Variants in HERC2 observed in about 807,000 individuals in gnomAD.
HERC2 encodes the protein E3 ubiquitin-protein ligase HERC2.
A neutral mutation model predicts 537.7 loss-of-function variants in HERC2; 102 were observed. That is an observed-to-expected ratio of 0.19 (90% confidence interval 0.16 to 0.22). The LOEUF is 0.22. Among genes scored for constraint, HERC2 ranks in the 10% least tolerant of loss-of-function variants. The pLI, the probability that HERC2 is intolerant of heterozygous loss-of-function variation, is 1.00. For missense variants in HERC2, 4,236 were observed against 6,198.2 expected (o/e 0.68, Z 10.63); for synonymous variants, 2,224 against 2,466.2 (o/e 0.90, Z 2.91).
chr15:28,295,323 G>C lies in HERC2; in HGVS notation c.188-2301C>G, dbSNP rs1018066763. ...TACATGTGTGTGGGGGGGGGGGAGT[G>C]GGGGGGAGGCGGTGGGGGGGTCACT... On this transcript the variant is annotated intron_variant, in intron 3 of 92. Transcript: ENST00000261609. Among the ~76,000 whole-genome samples the C allele has an allele frequency of 5.5e-5, 7 of 126,826 alleles. 1 individual carries two copies. In the South Asian group the frequency reaches 2.0e-3, roughly 36 times the overall value. The allele number at this position is 126,826 out of a possible 152,430, so 83.2% of individuals were successfully genotyped here. A position where few individuals can be genotyped will look rare whatever the true frequency, so the allele number is the denominator to read the frequency against.
At chr15:28,201,434 C>G in intron 48 of HERC2, 22 bp downstream of exon 48, 1 of 1,427,484 alleles carries the variant, frequency 7.0e-7, no homozygotes, top group Non-Finnish European at 9.9e-7. Context: ...GATCGAGGCT[C>G]CAGCTTAAGA....
chr15:28,316,516 C>T (rs572842605), intron 2 of HERC2, among the ~76,000 whole-genome samples: 1 of 152,162 alleles, frequency 6.6e-6, no homozygotes, highest in Admixed American at 6.5e-5. Flanking sequence ...CTCAATTAAC[C>T]TGACAAAATG....
chr15:28,150,267 G>A (rs1313214050), intron 70 of HERC2, among the ~76,000 whole-genome samples: 2 of 151,548 alleles, frequency 1.3e-5, no homozygotes, highest in African/African-American at 4.9e-5. Flanking sequence ...AACACACGCG[G>A]CTTCTAACCG....
intron 83 of HERC2, among the ~76,000 whole-genome samples, chr15:28,125,643 A>T (rs1889394998): frequency 6.6e-6 from 1 of 152,246 alleles, no homozygotes; most frequent in East Asian, 1.9e-4. Context: ...CTTGCATGCG[A>T]AACAGAAAAG....
chr15:28,304,420 T>A (rs1275175973), intron 2 of HERC2, among the ~76,000 whole-genome samples: 25 of 150,978 alleles, frequency 1.7e-4, no homozygotes. Flanking sequence ...CAGGCTGGAA[T>A]ATAGCGGCAC....
chr15:28,199,053 G>T (rs1202233034), intron 48 of HERC2, among the ~76,000 whole-genome samples: 1 of 151,930 alleles, frequency 6.6e-6, no homozygotes, highest in East Asian at 1.9e-4. Flanking sequence ...AGACTGAGTT[G>T]AGAGGATTGC....
chr15:28,111,939 G>A lies in HERC2; in HGVS notation c.14329C>T (p.Leu4777=). 3 of 1,614,154 alleles carry A rather than the reference G, an allele frequency of 1.9e-6. No individual in the cohort carries two copies. Among genetic ancestry groups the A allele is most frequent in the Non-Finnish European group, 2.5e-6 (3 of 1,180,034 alleles). ...ATGGCGTACTTGAGCTTCTCCTCCA[G>A]CACCTGCTTGCAGGAATACCTGGGC... ...KLPRYSCKQV[L]EEKLKYAIHF... Residue 4777 remains leucine (L), a synonymous_variant, in exon 93 of 93, where the codon CTG becomes TTG. Coordinates refer to ENST00000261609, the MANE Select transcript of HERC2 (RefSeq NM_004667.6).
At position 28,233,703 on chromosome 15, in the gene HERC2, G is replaced by A. The variant is rs1488635360; in HGVS notation, c.4312C>T (p.Arg1438Cys). The A allele has an allele frequency of 5.0e-6, 8 of 1,613,848 alleles. No individual in the cohort carries two copies. Among genetic ancestry groups the A allele is most frequent in the Non-Finnish European group, 5.9e-6 (7 of 1,179,784 alleles). ...TTTAAGAGGCAACATAACAACAAGC[G>A]ACCGACCTCTTCCACGGGATGCTCG... is the stretch of plus-strand genomic sequence containing the variant. ...PPEHPVEEVG[R>C]LLLCCLLKHE... The change falls in exon 28 of 93, where the codon CGC (arginine) becomes TGC (cysteine). Residue 1438 changes from arginine to cysteine, a missense_variant. Arg to Cys is a radical substitution (Grantham distance 180, BLOSUM62 -3). Coordinates refer to ENST00000261609, the MANE Select transcript of HERC2 (RefSeq NM_004667.6).
chr15:28,149,109 C>T (rs1251084201), intron 70 of HERC2, among the ~76,000 whole-genome samples: 3 of 151,618 alleles, frequency 2.0e-5, no homozygotes, highest in Non-Finnish European at 4.4e-5. Flanking sequence ...GCCACACGAA[C>T]GTATAATCTA....
intron 48 of HERC2, 89 bp downstream of exon 48, chr15:28,201,367 C>T: frequency 1.2e-6 from 1 of 856,790 alleles, no homozygotes; most frequent in Non-Finnish European, 2.0e-6. Flanking sequence ...GCAGGGGCCT[C>T]TGTCCACTGA....
intron 3 of HERC2, among the ~76,000 whole-genome samples, chr15:28,296,113 A>G (rs2076462530): frequency 6.6e-6 from 1 of 152,152 alleles, no homozygotes; most frequent in Non-Finnish European, 1.5e-5. Flanking sequence ...ATCAGTTGGG[A>G]TCTACATAAA....
At chr15:28,229,000 C>G (rs1901544616) in intron 34 of HERC2, among the ~76,000 whole-genome samples, 195 bp downstream of exon 34, 1 of 152,174 alleles carries the variant, frequency 6.6e-6, no homozygotes, top group Non-Finnish European at 1.5e-5. Context: ...TAGAGTACTT[C>G]AACATTGTGT....
At chr15:28,284,273 T>A (rs1041290674) in intron 4 of HERC2, among the ~76,000 whole-genome samples, 3 of 151,138 alleles carry the variant, frequency 2.0e-5, no homozygotes, top group Non-Finnish European at 4.4e-5. Context: ...ACACTACAGA[T>A]AAAATAGAAT....
At chr15:28,304,688 T>G (rs1193626042) in intron 2 of HERC2, among the ~76,000 whole-genome samples, 1 of 149,972 alleles carries the variant, frequency 6.7e-6, no homozygotes, top group Non-Finnish European at 1.5e-5. Flanking sequence ...CTGACTCCTC[T>G]AGCAAGGGCT....
rs1895063495 is a variant in HERC2 at position 28,174,630 on chromosome 15, A to C, written c.9832-10T>G. The stretch of plus-strand genomic sequence containing the variant: ...CACCCCAAGCATACACCTGTTTACG[A>C]GGAGAAAAAAGCTTATAATTTTTCA... On this transcript the variant is annotated splice_polypyrimidine_tract_variant and intron_variant, in intron 64 of 92. Transcript: ENST00000261609. 1.2e-5 allele frequency: 19 copies of C among 1,520,860 alleles called. No individual in the cohort carries two copies. Among genetic ancestry groups the C allele is most frequent in the Non-Finnish European group, 1.7e-5 (19 of 1,105,304 alleles). 94.2% of individuals were successfully genotyped at this position (1,520,860 alleles called of 1,614,324 possible).
chr15:28,300,782 C>G (rs868067659), intron 2 of HERC2, among the ~76,000 whole-genome samples: 1 of 108,746 alleles, frequency 9.2e-6, no homozygotes, highest in Admixed American at 1.4e-4. Context: ...GAGATTATGT[C>G]ACTGCGCTCC....
intron 65 of HERC2, among the ~76,000 whole-genome samples, chr15:28,171,391 G>A (rs940577369): frequency 7.9e-5 from 12 of 152,138 alleles, no homozygotes; most frequent in African/African-American, 1.7e-4. Flanking sequence ...ACGTTAAGAA[G>A]ATACTGAGTA....
intron 85 of HERC2, among the ~76,000 whole-genome samples, chr15:28,123,819 TTTGC>T (rs1889182781): frequency 6.6e-6 from 1 of 152,230 alleles, no homozygotes; most frequent in Non-Finnish European, 1.5e-5. Context: ...CATCTTACTG[TTTGC>T]TTTTAATATA....
In HERC2 at chr15:28,113,795, G is replaced by T; in HGVS notation, c.13914-117C>A. On this transcript the variant is annotated intron_variant, in intron 90 of 92. Coordinates refer to ENST00000261609, the MANE Select transcript of HERC2 (RefSeq NM_004667.6). This position sits in a 1 kb window ranked among gnomAD's most constrained non-coding sequence, Gnocchi z 7.0. The stretch of plus-strand genomic sequence containing the variant: ...CACACGTCCCAGCTGGGAGAACAGA[G>T]GGAGCAGCTCCAGATGGCATGAGCA... 1 of 783,026 alleles carries T rather than the reference G, an allele frequency of 1.3e-6. No homozygotes were observed. The allele number at this position is 783,026 out of a possible 1,614,324, so 48.5% of individuals were successfully genotyped here.
Sources: allele counts gnomAD v4.1 joint callset (sites outside exome capture counted in the v4.1 genomes callset), GRCh38; gene constraint gnomAD v4.1.1; non-coding constraint Gnocchi (gnomAD v3.1); transcripts MANE v1.5; gene names NCBI Gene and HGNC (gene_info 2026-07-23, HGNC 2026-07-21).